AKR1C3: variants seen among roughly 807,000 people sequenced by gnomAD.
The protein encoded by AKR1C3 is 3-alpha hydroxysteroid dehydrogenase, type II.
In AKR1C3, 48 loss-of-function variants were observed where a neutral mutation model predicts 43.6. That is an observed-to-expected ratio of 1.10 (90% CI 0.87 to 1.40). The LOEUF (loss-of-function observed/expected upper bound fraction) is 1.40. Ranked by LOEUF, AKR1C3 falls within the 40% of genes most tolerant of loss-of-function variation. The pLI, the probability that AKR1C3 is intolerant of heterozygous loss-of-function variation, is 0.00. For missense variants in AKR1C3, 482 were observed against 391.2 expected (o/e 1.23, Z -1.96); for synonymous variants, 162 against 139.6 (o/e 1.16, Z -1.13).
upstream of AKR1C3, among the ~76,000 whole-genome samples, chr10:5,090,817 G>A (rs546212191): frequency 2.0e-5 from 3 of 152,270 alleles, no homozygotes; most frequent in Non-Finnish European, 4.4e-5. Context: ...GAAGACTGAT[G>A]AGTGGTGATG....
rs782690929 is a variant in AKR1C3 at position 5,102,115 on chromosome 10, G to T, written c.585G>T (p.Pro195=). 6.2e-7 allele frequency: 1 copy of T among 1,612,218 alleles called. No individual in the cohort carries two copies. The highest frequency in any genetic ancestry group is 1.3e-5 in the African/African-American group (1 of 74,828). Residue 195 remains proline (P), a synonymous_variant, in exon 6 of 9, where the codon CCG becomes CCT. Coordinates refer to ENST00000380554, the MANE Select transcript of AKR1C3 (RefSeq NM_003739.6). ...GTCAACTGCAGGTAGAATGTCATCC[G>T]TATTTCAACCGGAGTAAATTGCTAG... is the stretch of plus-strand genomic sequence containing the variant. ...KPVCNQVECH[P]YFNRSKLLDF...
intron 1 of AKR1C3, among the ~76,000 whole-genome samples, chr10:5,053,541 G>A (rs1245893133): frequency 6.6e-6 from 1 of 152,232 alleles, no homozygotes; most frequent in Non-Finnish European, 1.5e-5. Flanking sequence ...CCCAGAAAGG[G>A]GCTCCCACAG....
intron 7 of AKR1C3, among the ~76,000 whole-genome samples, chr10:5,104,881 AAAAG>A (rs1329065658): frequency 6.6e-6 from 1 of 152,164 alleles, no homozygotes; most frequent in Non-Finnish European, 1.5e-5. Flanking sequence ...TAGAAATGTT[AAAAG>A]AAAAATGTAA....
At chr10:5,048,895 G>T in exon 1 of AKR1C3, 1 of 1,612,736 alleles carries the variant, frequency 6.2e-7, no homozygotes, top group Non-Finnish European at 8.5e-7. Context: ...CACCTCCAGA[G>T]GTAATAATAA....
chr10:5,062,684 T>G (rs1200410009), intron 1 of AKR1C3, among the ~76,000 whole-genome samples: 1 of 152,076 alleles, frequency 6.6e-6, no homozygotes, highest in Non-Finnish European at 1.5e-5. Flanking sequence ...ACAGGTCAAG[T>G]GTGTAACTCC....
At chr10:5,098,686 G>A in intron 3 of AKR1C3, 116 bp from the exon 4 acceptor site, 1 of 783,000 alleles carries the variant, frequency 1.3e-6, no homozygotes, top group Non-Finnish European at 2.2e-6. Flanking sequence ...ATCACTTTCT[G>A]GAGCATTGTA....
chr10:5,100,510 CT>C (rs1783523956), intron 5 of AKR1C3, among the ~76,000 whole-genome samples: 2 of 151,952 alleles, frequency 1.3e-5, no homozygotes, highest in Non-Finnish European at 2.9e-5. Context: ...TTTTTTCCCC[CT>C]GAGTTATTGT....
intron 1 of AKR1C3, among the ~76,000 whole-genome samples, chr10:5,065,584 A>T (rs1485177748): frequency 1.3e-5 from 2 of 152,204 alleles, no homozygotes; most frequent in Non-Finnish European, 2.9e-5. Flanking sequence ...TTTATTCGAA[A>T]TGAAAGTACA....
chr10:5,051,097 GTTGT>G (rs1401394082), intron 1 of AKR1C3, among the ~76,000 whole-genome samples: 21 of 152,202 alleles, frequency 1.4e-4, no homozygotes, highest in African/African-American at 4.3e-4. Context: ...GTTTTGTTTT[GTTGT>G]TTGTTTGTTT....
Position 5,098,790 on chromosome 10 carries a change from C to G in AKR1C3, c.370-12C>G. 1 of 1,611,320 alleles carries G rather than the reference C, an allele frequency of 6.2e-7. No individual in the cohort carries two copies. The highest frequency in any genetic ancestry group is 8.5e-7 in the Non-Finnish European group (1 of 1,178,010). ...ATTTGTGACATCATTAAAATGACTG[C>G]TTCTATTTCAGCCAGGTGAGGAACT... is the stretch of plus-strand genomic sequence containing the variant. On this transcript the variant is annotated splice_polypyrimidine_tract_variant and intron_variant, in intron 3 of 8. Coordinates refer to ENST00000380554, the MANE Select transcript of AKR1C3 (RefSeq NM_003739.6).
chr10:5,085,969 CT>C (rs1213229039), intron 1 of AKR1C3, among the ~76,000 whole-genome samples: 17 of 151,636 alleles, frequency 1.1e-4, no homozygotes, highest in Non-Finnish European at 1.9e-4. Flanking sequence ...TCTCTCTTTT[CT>C]TTTTTATTAG....
intron 1 of AKR1C3, among the ~76,000 whole-genome samples, chr10:5,075,362 C>T (rs1283332814): frequency 6.6e-6 from 1 of 152,272 alleles, no homozygotes; most frequent in East Asian, 1.9e-4. Flanking sequence ...TGGCCCCCAC[C>T]AGCATGATCG....
rs765406922 is a variant in AKR1C3, at chr10:5,106,531, G to A, written c.929+854G>A. 4.6e-5 allele frequency among the ~76,000 whole-genome samples: 7 copies of A among 152,112 alleles called. No homozygotes were observed. The South Asian group carries it at 1.2e-3, about 27-fold the overall frequency. On this transcript the variant is annotated intron_variant, in intron 8 of 8. Coordinates refer to ENST00000380554, the MANE Select transcript of AKR1C3 (RefSeq NM_003739.6). ...TTTGGGAGGCTGAGGTGGGCAGATC[G>A]ACTGAGGTCAGGAGTTCGAGACCAG... is the stretch of plus-strand genomic sequence containing the variant.
chr10:5,105,874 T>A (rs1429002661), intron 8 of AKR1C3, among the ~76,000 whole-genome samples, 197 bp downstream of exon 8: 1 of 152,188 alleles, frequency 6.6e-6, no homozygotes, highest in Non-Finnish European at 1.5e-5. Flanking sequence ...TGGGTCAACC[T>A]GTGCCTCTGC....
At chr10:5,083,229 C>T (rs1554782586) in intron 1 of AKR1C3, among the ~76,000 whole-genome samples, 2 of 152,024 alleles carry the variant, frequency 1.3e-5, no homozygotes, top group Admixed American at 6.6e-5. Context: ...CTCCCGACTC[C>T]CCCCACCCCA....
At chr10:5,092,446 C>T (rs1046745387), upstream of AKR1C3, among the ~76,000 whole-genome samples, 7 of 151,014 alleles carry the variant, frequency 4.6e-5, no homozygotes, top group Non-Finnish European at 8.8e-5. Flanking sequence ...TGATGGTGTC[C>T]TACAAGCCCT....
At position 5,052,951 on chromosome 10, in the gene AKR1C3, T is replaced by TA. The variant is rs1332582575; in HGVS notation, c.84+4057dup. ...CCAAGTCCCCACCAGAGTAGCTAGA[T>TA]ACAGAGTGCCGATTGGTGCATTCAC... On this transcript the variant is annotated intron_variant, in intron 1 of 8. Coordinates refer to the AKR1C3 transcript ENST00000439082. 2.0e-5 allele frequency among the ~76,000 whole-genome samples: 3 copies of TA among 151,888 alleles called. No individual in the cohort carries two copies. In the East Asian group the frequency reaches 5.8e-4, roughly 30 times the overall value.
At chr10:5,106,587 C>CTAAAAATA (rs1200459541) in intron 8 of AKR1C3, among the ~76,000 whole-genome samples, 1 of 152,024 alleles carries the variant, frequency 6.6e-6, no homozygotes, top group Non-Finnish European at 1.5e-5. Flanking sequence ...CCTGTCTCTA[C>CTAAAAATA]TAAAAATATA....
chr10:5,057,544 A>T (rs949119902), intron 1 of AKR1C3, among the ~76,000 whole-genome samples: 2 of 152,180 alleles, frequency 1.3e-5, no homozygotes, highest in South Asian at 2.1e-4. Flanking sequence ...TAATTTCTTA[A>T]GGCCTCATGT....
Sources: allele counts gnomAD v4.1 joint callset (sites outside exome capture counted in the v4.1 genomes callset), GRCh38; gene constraint gnomAD v4.1.1; transcripts MANE v1.5; gene names NCBI Gene and HGNC (gene_info 2026-07-23, HGNC 2026-07-21).